TENM3: variants seen among roughly 807,000 people sequenced by gnomAD.
TENM3 encodes the protein teneurin-3.
Under a neutral mutation model 255.1 loss-of-function variants are expected in TENM3, and 63 were observed. The ratio of observed to expected loss-of-function variants is 0.25; its 90% CI spans 0.20 to 0.30. The LOEUF is 0.30. Ranked by LOEUF, TENM3 falls within the 10% of genes least tolerant of loss-of-function variation. TENM3 has a pLI of 1.00. For missense variants in TENM3, 2,929 were observed against 3,461.1 expected (o/e 0.85, Z 3.86); for synonymous variants, 1,306 against 1,322.3 (o/e 0.99, Z 0.27).
the TENM3 span, among the ~76,000 whole-genome samples, chr4:181,997,495 A>T: frequency 6.6e-6 from 1 of 152,176 alleles, no homozygotes; most frequent in African/African-American, 2.4e-5. Context: ...ACAGATGCCT[A>T]GTTGTGTGGC....
At chr4:182,353,938 C>T (rs1326961194) in intron 3 of TENM3, among the ~76,000 whole-genome samples, 1 of 150,642 alleles carries the variant, frequency 6.6e-6, no homozygotes, top group East Asian at 1.9e-4. Context: ...GCACTCCAGC[C>T]TGGGCAACAA....
the TENM3 span, among the ~76,000 whole-genome samples, chr4:181,619,392 C>T: frequency 6.6e-6 from 1 of 152,032 alleles, no homozygotes; most frequent in Non-Finnish European, 1.5e-5. Flanking sequence ...TTCTTTATAA[C>T]ATCAAAACTT....
At chr4:181,514,678 A>G in the TENM3 span, among the ~76,000 whole-genome samples, 1 of 152,198 alleles carries the variant, frequency 6.6e-6, no homozygotes, top group Non-Finnish European at 1.5e-5. Flanking sequence ...GTGACTCCTC[A>G]GTTCTGTAAC....
chr4:182,661,715 G>T (rs1581243721), intron 6 of TENM3, among the ~76,000 whole-genome samples: 1 of 152,188 alleles, frequency 6.6e-6, no homozygotes, highest in African/African-American at 2.4e-5. Context: ...TTAGGTCATA[G>T]AATTGGAGGG....
rs143383639 is a variant in TENM3 at position 182,310,565 on chromosome 4, A to G, written c.-75-13381A>G. Among the ~76,000 whole-genome samples, 850 of 152,218 alleles carry G rather than the reference A, an allele frequency of 5.6e-3. 7 individuals carry two copies. The highest frequency in any genetic ancestry group is 0.019 in the African/African-American group (804 of 41,536). ...TCCCAGGACTGACCTCATTGGTCAC[A>G]TGTTCATTCTTAACCAGTCCCTGAG... On this transcript the variant is annotated intron_variant, in intron 1 of 27. Coordinates refer to ENST00000511685, the MANE Select transcript of TENM3 (RefSeq NM_001080477.4).
chr4:182,361,183 T>A (rs1189834650), intron 3 of TENM3, among the ~76,000 whole-genome samples: 1 of 152,154 alleles, frequency 6.6e-6, no homozygotes, highest in Non-Finnish European at 1.5e-5. Context: ...CTTTGGTGAA[T>A]CTGACAATTA....
intron 1 of TENM3, among the ~76,000 whole-genome samples, chr4:182,221,272 A>G (rs12186265): frequency 0.22 from 33,558 of 152,212 alleles, 4,521 homozygotes; most frequent in South Asian, 0.38. Flanking sequence ...AGCCTAGAGA[A>G]TCAGGTGAGT....
At chr4:182,279,384 C>G (rs1561275343) in intron 1 of TENM3, among the ~76,000 whole-genome samples, 1 of 152,092 alleles carries the variant, frequency 6.6e-6, no homozygotes. Context: ...GATCAGTACT[C>G]CTCATAGTCT....
the TENM3 span, among the ~76,000 whole-genome samples, chr4:181,807,801 A>G: frequency 6.6e-6 from 1 of 152,224 alleles, no homozygotes; most frequent in African/African-American, 2.4e-5. Flanking sequence ...GTGAAATTGT[A>G]TGCTGAATTT....
chr4:181,887,941 G>A, the TENM3 span, among the ~76,000 whole-genome samples: 4 of 152,186 alleles, frequency 2.6e-5, no homozygotes, highest in Admixed American at 2.0e-4. Flanking sequence ...TGAGAAAAAA[G>A]GCAAGCAATA....
At chr4:182,190,203 A>G (rs1455663546) in intron 1 of TENM3, 1 of 152,168 alleles carries the variant, frequency 6.6e-6, no homozygotes, top group African/African-American at 2.4e-5. Context: ...TTGCCCTTAC[A>G]CATGAAATTC....
chr4:181,635,018 T>C, the TENM3 span, among the ~76,000 whole-genome samples: 13 of 152,172 alleles, frequency 8.5e-5, no homozygotes, highest in African/African-American at 3.1e-4. Flanking sequence ...ACTAACAGAC[T>C]TATATAAATA....
intron 3 of TENM3, among the ~76,000 whole-genome samples, chr4:182,459,810 T>C (rs1482165816): frequency 6.6e-6 from 1 of 152,212 alleles, no homozygotes; most frequent in Non-Finnish European, 1.5e-5. Flanking sequence ...CTTGAGTTTT[T>C]CAGGAGTTGG....
the TENM3 span, among the ~76,000 whole-genome samples, chr4:182,031,322 A>C: frequency 6.6e-6 from 1 of 152,132 alleles, no homozygotes; most frequent in African/African-American, 2.4e-5. Flanking sequence ...TTATTTCTCC[A>C]TTATTTGTTT....
At chr4:182,395,274 C>G (rs537444202) in intron 3 of TENM3, among the ~76,000 whole-genome samples, 1 of 152,010 alleles carries the variant, frequency 6.6e-6, no homozygotes, top group African/African-American at 2.4e-5. Context: ...GGAAATTAAC[C>G]CATTAGGAGA....
the TENM3 span, among the ~76,000 whole-genome samples, chr4:181,760,289 T>C: frequency 1.8e-4 from 27 of 152,132 alleles, no homozygotes; most frequent in African/African-American, 5.3e-4. Flanking sequence ...TTAAAAATAA[T>C]TTAGCAGTTA....
chr4:182,100,002 C>T, the TENM3 span, among the ~76,000 whole-genome samples: 3 of 152,102 alleles, frequency 2.0e-5, no homozygotes, highest in Admixed American at 6.5e-5. Flanking sequence ...GTGGCTAAGA[C>T]GGTCAGTGTT....
the TENM3 span, among the ~76,000 whole-genome samples, chr4:181,510,291 A>G: frequency 6.6e-6 from 1 of 152,216 alleles, no homozygotes; most frequent in Non-Finnish European, 1.5e-5. Flanking sequence ...AAAGTCAGAA[A>G]ACTGACCATT....
At chr4:181,800,314 C>T in the TENM3 span, among the ~76,000 whole-genome samples, 844 of 152,252 alleles carry the variant, frequency 5.5e-3, 6 homozygotes, top group Middle Eastern at 0.037. Context: ...CCAGAGTACA[C>T]ACTGGACATA....
Sources: gnomAD v4.1 joint callset for allele counts (sites outside exome capture counted in the v4.1 genomes callset) on GRCh38, gnomAD v4.1.1 for gene constraint, MANE v1.5 for transcripts, NCBI Gene and HGNC (gene_info 2026-07-23, HGNC 2026-07-21) for gene names.